Variants in HNF4G observed in about 807,000 individuals in gnomAD.
HNF4G encodes hepatocyte nuclear factor 4 gamma.
HNF4G carries 21 observed loss-of-function variants against 50.9 expected under a neutral mutation model. That is an observed-to-expected ratio of 0.41 (90% confidence interval 0.29 to 0.59). HNF4G has a LOEUF of 0.59. Among genes scored for constraint, HNF4G ranks in the 20% least tolerant of loss-of-function variants. The probability of loss-of-function intolerance (pLI) is 0.26; values close to 1 mark genes in which losing one functional copy is unlikely to be tolerated. For synonymous variants in HNF4G, 198 were observed against 185.6 expected (o/e 1.07, Z -0.54); for missense variants, 527 against 559.4 (o/e 0.94, Z 0.58).
chr8:75,413,625 T>C (rs942503676), intron 1 of HNF4G, among the ~76,000 whole-genome samples: 3 of 151,998 alleles, frequency 2.0e-5, no homozygotes, highest in African/African-American at 7.3e-5. Context: ...TCCTAGCACT[T>C]TGGGAGGCTG....
chr8:75,501,266 C>G (rs562166861), intron 2 of HNF4G, among the ~76,000 whole-genome samples: 1 of 151,882 alleles, frequency 6.6e-6, no homozygotes, highest in Non-Finnish European at 1.5e-5. Context: ...ATAGGGAGAT[C>G]GTATCTCTAC....
intron 2 of HNF4G, among the ~76,000 whole-genome samples, chr8:75,532,206 A>G (rs963695829): frequency 6.6e-6 from 1 of 152,154 alleles, no homozygotes; most frequent in South Asian, 2.1e-4. Context: ...TTATAATACT[A>G]GTTTTTACAT....
intron 6 of HNF4G, among the ~76,000 whole-genome samples, chr8:75,557,639 A>G (rs1807172228): frequency 6.6e-6 from 1 of 152,118 alleles, no homozygotes; most frequent in Admixed American, 6.5e-5. Context: ...AACAAACAAA[A>G]AATCACATTG....
chr8:75,527,794 A>G (rs1472019828), intron 2 of HNF4G, among the ~76,000 whole-genome samples: 1 of 152,126 alleles, frequency 6.6e-6, no homozygotes, highest in Admixed American at 6.5e-5. Context: ...ATTGTGATTG[A>G]CTCATTTATA....
chr8:75,555,744 C>A (rs77927181), intron 5 of HNF4G, among the ~76,000 whole-genome samples: 66 of 135,728 alleles, frequency 4.9e-4, no homozygotes, highest in African/African-American at 1.7e-3. Flanking sequence ...TTTTTTTTTT[C>A]TTTCTGCTGC....
At position 75,540,089 on chromosome 8, in the gene HNF4G, T is replaced by C. The variant is rs1160848338; in HGVS notation, c.118+9T>C. The C allele has an allele frequency of 7.1e-7, 1 of 1,413,596 alleles. No homozygotes were observed. The highest frequency in any genetic ancestry group is 1.0e-6 in the Non-Finnish European group (1 of 1,003,136). The allele number at this position is 1,413,596 out of a possible 1,614,324, so 87.6% of individuals were successfully genotyped here. On this transcript the variant is annotated intron_variant, in intron 1 of 9. Transcript: ENST00000396423. Reference sequence around the variant, plus strand: ...TCTATATAATTCAAGTGGTGAGTTATCATCTGTTTATAGATGTAAAGAAAA... The same window carrying C: ...TCTATATAATTCAAGTGGTGAGTTACCATCTGTTTATAGATGTAAAGAAAA...
chr8:75,548,019 C>T (rs534398186), intron 3 of HNF4G, among the ~76,000 whole-genome samples: 7 of 147,466 alleles, frequency 4.7e-5, no homozygotes, highest in Admixed American at 1.4e-4. Context: ...GATGGAGTCT[C>T]GCTCTGTCAA....
chr8:75,532,296 G>T (rs1419864710), intron 2 of HNF4G, among the ~76,000 whole-genome samples: 4 of 151,764 alleles, frequency 2.6e-5, no homozygotes, highest in Non-Finnish European at 4.4e-5. Context: ...CATTTTCGAA[G>T]ATTTATACCA....
intron 3 of HNF4G, among the ~76,000 whole-genome samples, chr8:75,548,083 C>T (rs1053502329): frequency 3.3e-5 from 5 of 150,634 alleles, no homozygotes; most frequent in African/African-American, 4.9e-5. Flanking sequence ...CTACCAGGTT[C>T]AAGCAATTCT....
chr8:75,563,129 A>T (rs1467912874), intron 9 of HNF4G, among the ~76,000 whole-genome samples: 1 of 152,162 alleles, frequency 6.6e-6, no homozygotes, highest in African/African-American at 2.4e-5. Flanking sequence ...CAGCCTGATC[A>T]TCAAACATTT....
At chr8:75,409,736 C>G (rs1225453657) in intron 1 of HNF4G, among the ~76,000 whole-genome samples, 1 of 152,078 alleles carries the variant, frequency 6.6e-6, no homozygotes, top group Non-Finnish European at 1.5e-5. Flanking sequence ...ATCTGCCCGT[C>G]TTGACATCCC....
chr8:75,547,699 G>T lies in HNF4G; in HGVS notation c.382+18G>T. 2.2e-6 allele frequency: 3 copies of T among 1,345,896 alleles called. No homozygotes were observed. The highest frequency in any genetic ancestry group is 2.3e-5 in the East Asian group (1 of 43,552). 83.4% of individuals were successfully genotyped at this position (1,345,896 alleles called of 1,614,324 possible). A position where few individuals can be genotyped will look rare whatever the true frequency, so the allele number is the denominator to read the frequency against. On this transcript the variant is annotated intron_variant, in intron 3 of 9. Coordinates refer to ENST00000396423, the MANE Select transcript of HNF4G (RefSeq NM_004133.5). ...AAAAGAAGGTAATAATAATGATGAT[G>T]ATAATTAACATTATTGATGAAAAGT...
chr8:75,526,055 C>T (rs79261207), intron 2 of HNF4G, among the ~76,000 whole-genome samples: 1 of 151,884 alleles, frequency 6.6e-6, no homozygotes, highest in Non-Finnish European at 1.5e-5. Flanking sequence ...TAAATAGAAC[C>T]GATCTTCATT....
rs1464912718 is a variant in HNF4G at position 75,449,551 on chromosome 8, G to T, written c.-143-40538G>T. On this transcript the variant is annotated intron_variant, in intron 1 of 10. Transcript: ENST00000354370. The stretch of plus-strand genomic sequence containing the variant: ...AGACGGAGTCTCACTCTGTCGCCCA[G>T]GCTGTAGTGCAGTGGGGCGATCTCG... 2.3e-5 allele frequency among the ~76,000 whole-genome samples: 3 copies of T among 132,702 alleles called. No individual in the cohort carries two copies. In the Admixed American group the frequency reaches 2.5e-4, roughly 11 times the overall value. 87.1% of individuals were successfully genotyped at this position (132,702 alleles called of 152,430 possible).
intron 1 of HNF4G, among the ~76,000 whole-genome samples, chr8:75,442,346 T>C (rs1189484463): frequency 2.0e-5 from 3 of 152,048 alleles, no homozygotes; most frequent in Admixed American, 2.0e-4. Flanking sequence ...TGCATATATA[T>C]TTTATAATAA....
At chr8:75,513,897 G>T (rs1312920976) in intron 2 of HNF4G, among the ~76,000 whole-genome samples, 1 of 135,832 alleles carries the variant, frequency 7.4e-6, no homozygotes. Context: ...TTCATTTTTA[G>T]GTTAAGACTT....
chr8:75,546,277 C>T (rs531807155), intron 2 of HNF4G, among the ~76,000 whole-genome samples: 2 of 152,176 alleles, frequency 1.3e-5, no homozygotes, highest in African/African-American at 4.8e-5. Context: ...CTTTATTTTA[C>T]AATTGTAAAT....
At chr8:75,473,485 G>C (rs1422432508) in intron 1 of HNF4G, among the ~76,000 whole-genome samples, 1 of 152,206 alleles carries the variant, frequency 6.6e-6, no homozygotes, top group Non-Finnish European at 1.5e-5. Flanking sequence ...ACTAAAGTTT[G>C]AGGCAGGCAT....
intron 9 of HNF4G, among the ~76,000 whole-genome samples, chr8:75,562,313 A>T (rs1201076416): frequency 6.6e-6 from 1 of 152,158 alleles, no homozygotes; most frequent in Non-Finnish European, 1.5e-5. Flanking sequence ...AAATTATTTG[A>T]ATATATGAGA....
Sources: allele counts gnomAD v4.1 joint callset (sites outside exome capture counted in the v4.1 genomes callset), GRCh38; gene constraint gnomAD v4.1.1; transcripts MANE v1.5; gene names NCBI Gene and HGNC (gene_info 2026-07-23, HGNC 2026-07-21).